The following ATP8B4 variants were observed in gnomAD, a reference collection of about 807,000 sequenced individuals.
ATP8B4 encodes ATPase phospholipid transporting 8B4 (putative).
ATP8B4 carries 133 observed loss-of-function variants against 145.6 expected under a neutral mutation model. That is an observed-to-expected ratio of 0.91 (90% CI 0.79 to 1.05). ATP8B4 has a LOEUF of 1.05. Ranked by LOEUF, ATP8B4 falls within the 50% of genes least tolerant of loss-of-function variation. The probability of loss-of-function intolerance (pLI) is 0.00; values close to 1 mark genes in which losing one functional copy is unlikely to be tolerated. For missense variants in ATP8B4, 1,458 were observed against 1,425.2 expected, an observed-to-expected ratio of 1.02 and a Z score of -0.37; for synonymous variants, 507 against 492.9, an observed-to-expected ratio of 1.03 and a Z score of -0.38.
intron 2 of ATP8B4, among the ~76,000 whole-genome samples, chr15:50,095,465 A>T (rs1452423140): frequency 2.0e-5 from 3 of 152,210 alleles, no homozygotes; most frequent in Admixed American, 2.0e-4. Context: ...CTGTCAAAAC[A>T]GATAATGAGG....
At chr15:50,141,710 A>G (rs570972082) in intron 1 of ATP8B4, among the ~76,000 whole-genome samples, 44 of 152,238 alleles carry the variant, frequency 2.9e-4, no homozygotes, top group Non-Finnish European at 5.7e-4. Context: ...ATAAGAGTAC[A>G]GAAAATGGGT....
intron 14 of ATP8B4, among the ~76,000 whole-genome samples, chr15:49,939,878 C>T (rs1267843889): frequency 6.6e-6 from 1 of 152,092 alleles, no homozygotes; most frequent in Non-Finnish European, 1.5e-5. Context: ...GTCAGAATGG[C>T]ATTAGAAAGC....
At chr15:50,046,536 G>T (rs2051736161) in intron 4 of ATP8B4, among the ~76,000 whole-genome samples, 1 of 152,188 alleles carries the variant, frequency 6.6e-6, no homozygotes, top group South Asian at 2.1e-4. Flanking sequence ...TAAGATTTCT[G>T]TCACTTGAAA....
chr15:49,983,367 G>A (rs913477417), intron 10 of ATP8B4, among the ~76,000 whole-genome samples: 2 of 152,138 alleles, frequency 1.3e-5, no homozygotes, highest in Admixed American at 1.3e-4. Flanking sequence ...TGCGAAGGTT[G>A]GAAGAAACCT....
chr15:50,171,071 C>A (rs2044666707), intron 1 of ATP8B4, among the ~76,000 whole-genome samples: 1 of 152,138 alleles, frequency 6.6e-6, no homozygotes, highest in African/African-American at 2.4e-5. Context: ...CAATTACTAA[C>A]AGACCTAAGA....
chr15:49,891,313 C>T (rs181495380), intron 23 of ATP8B4, among the ~76,000 whole-genome samples: 16 of 151,190 alleles, frequency 1.1e-4, no homozygotes, highest in African/African-American at 3.9e-4. Flanking sequence ...CCTTTAAATA[C>T]AAGTTTGTTT....
Position 49,918,958 on chromosome 15 carries a change from G to A in ATP8B4, c.1924-8C>T. On this transcript the variant is annotated splice_region_variant and splice_polypyrimidine_tract_variant and intron_variant, in intron 18 of 27. Transcript: ENST00000284509. ...AGCAGTGGCACCTAGTAGCTTTATTGAAAAAGAGAGAAAAGTTTATGTTAA... is the reference window on the plus strand; with the variant it reads ...AGCAGTGGCACCTAGTAGCTTTATTAAAAAAGAGAGAAAAGTTTATGTTAA... 4 of 1,577,846 alleles carry A rather than the reference G, an allele frequency of 2.5e-6. No homozygotes were observed. Among genetic ancestry groups the A allele is most frequent in the Non-Finnish European group, 3.5e-6 (4 of 1,152,040 alleles).
chr15:49,934,683 T>A (rs1018994075), intron 14 of ATP8B4, among the ~76,000 whole-genome samples: 1 of 152,110 alleles, frequency 6.6e-6, no homozygotes, highest in African/African-American at 2.4e-5. Context: ...ACTGGAGTTA[T>A]TGCACAATAA....
chr15:49,939,549 CAAG>C (rs1334246057), intron 14 of ATP8B4, among the ~76,000 whole-genome samples: 2 of 152,000 alleles, frequency 1.3e-5, no homozygotes, highest in Non-Finnish European at 1.5e-5. Context: ...AAGATTGAAA[CAAG>C]AAGAAATTGA....
intron 20 of ATP8B4, among the ~76,000 whole-genome samples, chr15:49,914,506 C>A (rs558061668): frequency 3.3e-5 from 5 of 151,970 alleles, no homozygotes; most frequent in African/African-American, 1.2e-4. Flanking sequence ...AGCTTCTGCA[C>A]AGCAAAGGAA....
intron 21 of ATP8B4, 23 bp from the exon 22 acceptor site, chr15:49,898,274 C>G (rs762633108): frequency 4.4e-6 from 7 of 1,595,248 alleles, no homozygotes; most frequent in Non-Finnish European, 6.0e-6. Context: ...AAATAAAATT[C>G]AAACAAGAAC....
intron 1 of ATP8B4, among the ~76,000 whole-genome samples, chr15:50,149,094 C>T (rs1252383946): frequency 6.6e-6 from 1 of 152,114 alleles, no homozygotes; most frequent in Non-Finnish European, 1.5e-5. Flanking sequence ...AGATGATAAG[C>T]AGAACTAATC....
chr15:50,021,245 G>C (rs531985442), intron 6 of ATP8B4, among the ~76,000 whole-genome samples: 18 of 152,324 alleles, frequency 1.2e-4, no homozygotes, highest in African/African-American at 4.3e-4. Context: ...GACAAGAGTA[G>C]AAAACAAAAT....
At chr15:50,105,670 G>C (rs566608049) in intron 2 of ATP8B4, among the ~76,000 whole-genome samples, 1 of 152,110 alleles carries the variant, frequency 6.6e-6, no homozygotes, top group Non-Finnish European at 1.5e-5. Flanking sequence ...ACCTCAAGTA[G>C]TTATTTCTAG....
At chr15:49,860,569 T>C in intron 27 of ATP8B4, 94 bp from the exon 28 acceptor site, 1 of 1,369,246 alleles carries the variant, frequency 7.3e-7, no homozygotes, top group Non-Finnish European at 9.8e-7. Context: ...TTTTTTTTTA[T>C]AAGTAAAAAC....
intron 6 of ATP8B4, among the ~76,000 whole-genome samples, chr15:50,021,514 T>C (rs1689343930): frequency 1.3e-5 from 2 of 152,168 alleles, no homozygotes; most frequent in South Asian, 4.1e-4. Flanking sequence ...TTGGAGCTTT[T>C]ATACTTGTTG....
chr15:50,058,368 T>C (rs1268335357), intron 3 of ATP8B4, among the ~76,000 whole-genome samples: 1 of 152,210 alleles, frequency 6.6e-6, no homozygotes, highest in African/African-American at 2.4e-5. Context: ...GACTGCTTTG[T>C]TTATTTGGTC....
intron 12 of ATP8B4, among the ~76,000 whole-genome samples, chr15:49,975,084 T>C (rs563258156): frequency 6.6e-6 from 1 of 152,274 alleles, no homozygotes; most frequent in Admixed American, 6.5e-5. Flanking sequence ...TAAGTAAACA[T>C]TTGAATCAAT....
chr15:50,036,051 A>G (rs2050810954), intron 6 of ATP8B4, among the ~76,000 whole-genome samples: 1 of 152,158 alleles, frequency 6.6e-6, no homozygotes, highest in African/African-American at 2.4e-5. Context: ...TAGGGCCAAA[A>G]CACTTTTTAA....
Sources: allele counts gnomAD v4.1 joint callset (sites outside exome capture counted in the v4.1 genomes callset), GRCh38; gene constraint gnomAD v4.1.1; transcripts MANE v1.5; gene names NCBI Gene and HGNC (gene_info 2026-07-23, HGNC 2026-07-21).